LRRC7: variants seen among roughly 807,000 people sequenced by gnomAD.
LRRC7 encodes the protein leucine-rich repeat-containing protein 7.
LRRC7 carries 23 observed loss-of-function variants against 175.7 expected under a neutral mutation model. The ratio of observed to expected loss-of-function variants is 0.13; its 90% confidence interval spans 0.09 to 0.19. The LOEUF (loss-of-function observed/expected upper bound fraction) is 0.19. LRRC7 is among the 10% of genes least tolerant of loss of function. The pLI is 1.00. For missense variants in LRRC7, 1,354 were observed against 1,904.7 expected, an observed-to-expected ratio of 0.71 and a Z score of 5.38; for synonymous variants, 685 against 680.9, an observed-to-expected ratio of 1.01 and a Z score of -0.09.
intron 14 of LRRC7, among the ~76,000 whole-genome samples, chr1:70,018,227 G>T (rs1377657948): frequency 1.3e-5 from 2 of 152,052 alleles, no homozygotes; most frequent in Admixed American, 6.6e-5. Context: ...TACAAGTACA[G>T]TTGCTTATCT....
chr1:69,726,501 G>T (rs1231261313), intron 2 of LRRC7, among the ~76,000 whole-genome samples: 2 of 152,188 alleles, frequency 1.3e-5, no homozygotes, highest in Non-Finnish European at 2.9e-5. Context: ...ATGGAAGAAG[G>T]TAGAGAGAAT....
At chr1:70,106,811 T>A (rs1331684854) in intron 25 of LRRC7, among the ~76,000 whole-genome samples, 1 of 152,202 alleles carries the variant, frequency 6.6e-6, no homozygotes, top group Admixed American at 6.5e-5. Flanking sequence ...ATTTCCTTCT[T>A]CCCCTTACCT....
chr1:69,845,674 A>C (rs1039210226), intron 7 of LRRC7, among the ~76,000 whole-genome samples: 2 of 152,088 alleles, frequency 1.3e-5, no homozygotes, highest in Non-Finnish European at 2.9e-5. Context: ...TAATGAATTT[A>C]TCTCACTTGG....
chr1:69,897,274 T>A (rs79531885), intron 7 of LRRC7, among the ~76,000 whole-genome samples: 5,530 of 152,314 alleles, frequency 0.036, 142 homozygotes, highest in Middle Eastern at 0.075. Flanking sequence ...TATGTGTATA[T>A]ATGCTATATC....
In LRRC7 at chr1:70,127,492, A is replaced by C. The variant is rs1439369213; in HGVS notation, c.*5605A>C. ...GTGATTATGTCAACCTTCCCTAAGAACAGTTCTATGGGAAGTAAGGAGAAA... is the reference window on the plus strand; with the variant it reads ...GTGATTATGTCAACCTTCCCTAAGACCAGTTCTATGGGAAGTAAGGAGAAA... On this transcript the variant is annotated 3_prime_UTR_variant, in exon 27 of 27. Coordinates refer to ENST00000651989, the MANE Select transcript of LRRC7 (RefSeq NM_001370785.2). Among the ~76,000 whole-genome samples the C allele has an allele frequency of 6.6e-6, 1 of 152,194 alleles. No homozygotes were observed. The highest frequency in any genetic ancestry group is 2.4e-5 in the African/African-American group (1 of 41,454).
chr1:69,929,852 A>G (rs974726498), intron 7 of LRRC7, among the ~76,000 whole-genome samples: 6 of 152,152 alleles, frequency 3.9e-5, no homozygotes, highest in Non-Finnish European at 8.8e-5. Context: ...ATCGCATATT[A>G]TGCAACTCCC....
At position 70,058,954 on chromosome 1, in the gene LRRC7, G is replaced by A. The variant is rs1244954931; in HGVS notation, c.4230+5809G>A. Among the ~76,000 whole-genome samples the A allele has an allele frequency of 3.3e-5, 5 of 152,170 alleles. No individual in the cohort carries two copies. The East Asian group carries it at 9.6e-4, about 29-fold the overall frequency. ...TAAACACATTGAATATCCATAAAAT[G>A]TTAAATTAAAGGATAATATCTGCAA... On this transcript the variant is annotated intron_variant, in intron 23 of 26. Coordinates refer to ENST00000651989, the MANE Select transcript of LRRC7 (RefSeq NM_001370785.2).
intron 1 of LRRC7, among the ~76,000 whole-genome samples, chr1:69,587,857 C>A (rs764405066): frequency 2.0e-5 from 3 of 152,132 alleles, no homozygotes; most frequent in Non-Finnish European, 4.4e-5. Flanking sequence ...CTGAGGCCTC[C>A]CAGCCATGTG....
intron 24 of LRRC7, among the ~76,000 whole-genome samples, chr1:70,085,437 A>G (rs998869392): frequency 1.3e-5 from 2 of 152,152 alleles, no homozygotes; most frequent in African/African-American, 4.8e-5. Flanking sequence ...TCATCTGACT[A>G]TAAATGTTAG....
At chr1:70,106,137 TAAA>T (rs576145127) in intron 25 of LRRC7, among the ~76,000 whole-genome samples, 80 of 152,298 alleles carry the variant, frequency 5.3e-4, no homozygotes, top group African/African-American at 1.8e-3. Flanking sequence ...TGCTTAGGAA[TAAA>T]AAACTATTAA....
At chr1:69,991,365 T>G (rs1654419612) in intron 10 of LRRC7, among the ~76,000 whole-genome samples, 2 of 152,158 alleles carry the variant, frequency 1.3e-5, no homozygotes, top group Admixed American at 6.5e-5. Flanking sequence ...ATTATATATT[T>G]TACACCTTCA....
At position 69,867,670 on chromosome 1, in the gene LRRC7, G is replaced by A. The variant is rs559052210; in HGVS notation, c.647+29387G>A. On this transcript the variant is annotated intron_variant, in intron 7 of 26. Transcript: ENST00000651989. ...TGTGGAATACAGGGGAAAGATACAAGGTATGCTTAGGAGATAGAGTCGAAA... is the reference window on the plus strand; with the variant it reads ...TGTGGAATACAGGGGAAAGATACAAAGTATGCTTAGGAGATAGAGTCGAAA... Among the ~76,000 whole-genome samples the A allele has an allele frequency of 2.9e-4, 44 of 152,248 alleles. No individual in the cohort carries two copies. In the South Asian group the frequency reaches 8.9e-3, roughly 31 times the overall value.
chr1:69,801,362 G>A (rs987756846), intron 4 of LRRC7, among the ~76,000 whole-genome samples: 8 of 151,472 alleles, frequency 5.3e-5, no homozygotes, highest in East Asian at 1.9e-4. Flanking sequence ...TTATTTTTGG[G>A]GAGATGCCTT....
chr1:70,043,791 A>G (rs1660112678), intron 21 of LRRC7, among the ~76,000 whole-genome samples, 163 bp from the exon 22 acceptor site: 2 of 152,168 alleles, frequency 1.3e-5, no homozygotes, highest in Admixed American at 6.6e-5. Context: ...CATAACTAAC[A>G]CTGTTTACTG....
chr1:69,854,236 G>C (rs1200800641), intron 7 of LRRC7, among the ~76,000 whole-genome samples: 2 of 152,118 alleles, frequency 1.3e-5, no homozygotes, highest in Admixed American at 6.6e-5. Context: ...ACAGTGGCTG[G>C]TCTGTAATCC....
At chr1:69,751,023 G>A (rs549558213) in intron 2 of LRRC7, among the ~76,000 whole-genome samples, 3 of 152,272 alleles carry the variant, frequency 2.0e-5, no homozygotes, top group African/African-American at 7.2e-5. Context: ...AGCATGGTCT[G>A]GGAAATACTG....
chr1:70,136,994 G>A lies in LRRC7; in HGVS notation c.*15107G>A, dbSNP rs944781880. ...CCCACCTCAGCCTCCCAAAGTGCTG[G>A]GATGATAGGCATGAGCCACCATCCT... On this transcript the variant is annotated 3_prime_UTR_variant, in exon 27 of 27. Coordinates refer to ENST00000651989, the MANE Select transcript of LRRC7 (RefSeq NM_001370785.2). 6.6e-6 allele frequency among the ~76,000 whole-genome samples: 1 copy of A among 151,870 alleles called. No homozygotes were observed. Among genetic ancestry groups the A allele is most frequent in the Admixed American group, 6.6e-5 (1 of 15,240 alleles).
At chr1:69,669,839 C>T (rs369878714) in intron 1 of LRRC7, among the ~76,000 whole-genome samples, 1 of 152,080 alleles carries the variant, frequency 6.6e-6, no homozygotes, top group East Asian at 1.9e-4. Flanking sequence ...GCTTGATCAA[C>T]TCTGCTATGA....
chr1:69,749,222 T>A (rs1411710829), intron 2 of LRRC7, among the ~76,000 whole-genome samples: 1 of 152,202 alleles, frequency 6.6e-6, no homozygotes, highest in Non-Finnish European at 1.5e-5. Flanking sequence ...CCAGGTGATA[T>A]GATGAGGACA....
Sources: gnomAD v4.1 joint callset for allele counts (sites outside exome capture counted in the v4.1 genomes callset) on GRCh38, gnomAD v4.1.1 for gene constraint, MANE v1.5 for transcripts, NCBI Gene and HGNC (gene_info 2026-07-23, HGNC 2026-07-21) for gene names.